The following DYNAP variants were observed in gnomAD, a reference collection of about 807,000 sequenced individuals.
DYNAP encodes the protein dynactin-associated protein.
Under a neutral mutation model 8.5 loss-of-function variants are expected in DYNAP, and 7 were observed. The observed-to-expected ratio is 0.82, with a 90% CI of 0.47 to 1.54. DYNAP has a LOEUF of 1.54. DYNAP is among the 40% of genes most tolerant of loss of function. The pLI is 0.01. For missense variants in DYNAP, 256 were observed against 224.3 expected, an observed-to-expected ratio of 1.14 and a Z score of -0.90; for synonymous variants, 77 against 77.9, an observed-to-expected ratio of 0.99 and a Z score of 0.06.
intron 1 of DYNAP, among the ~76,000 whole-genome samples, chr18:54,592,867 CTAACAGGG>C (rs1911135741): frequency 6.6e-6 from 1 of 152,070 alleles, no homozygotes; most frequent in Non-Finnish European, 1.5e-5. Context: ...GGCTGGGATT[CTAACAGGG>C]CCAGAAAATT....
At chr18:54,592,238 C>G (rs908783090) in intron 1 of DYNAP, among the ~76,000 whole-genome samples, 2 of 151,918 alleles carry the variant, frequency 1.3e-5, no homozygotes, top group African/African-American at 4.8e-5. Context: ...TCAGGCAGCA[C>G]TGTAATTGGA....
At chr18:54,585,066 G>T (rs371631268), upstream of DYNAP, among the ~76,000 whole-genome samples, 6 of 152,092 alleles carry the variant, frequency 3.9e-5, no homozygotes, top group Admixed American at 2.0e-4. Flanking sequence ...ATCAAAGAGG[G>T]GCAAACATGA....
At chr18:54,578,669 G>A in the DYNAP span, among the ~76,000 whole-genome samples, 11 of 152,096 alleles carry the variant, frequency 7.2e-5, no homozygotes, top group African/African-American at 2.7e-4. Context: ...TGAATCTTTC[G>A]CCTGGTTTTA....
At chr18:54,594,024 C>T (rs1468015386) in intron 1 of DYNAP, among the ~76,000 whole-genome samples, 1 of 152,100 alleles carries the variant, frequency 6.6e-6, no homozygotes, top group Non-Finnish European at 1.5e-5. Flanking sequence ...TTTATCTTAT[C>T]CTTCCCCTCT....
intron 1 of DYNAP, among the ~76,000 whole-genome samples, chr18:54,592,902 CTGAG>C (rs1290634961): frequency 2.6e-5 from 4 of 152,152 alleles, no homozygotes; most frequent in African/African-American, 9.6e-5. Context: ...AACTGCCCCA[CTGAG>C]TGAGTTTCAC....
intron 1 of DYNAP, among the ~76,000 whole-genome samples, chr18:54,592,064 G>A (rs1448212204): frequency 1.3e-5 from 2 of 152,148 alleles, no homozygotes; most frequent in African/African-American, 4.8e-5. Context: ...GTCATATGGA[G>A]CTGTGGTAAT....
At chr18:54,583,286 G>C (rs1046822427), upstream of DYNAP, among the ~76,000 whole-genome samples, 1 of 152,138 alleles carries the variant, frequency 6.6e-6, no homozygotes, top group East Asian at 1.9e-4. Context: ...GAGACTGAAG[G>C]GTAGAGTGCA....
At chr18:54,588,107 G>A (rs1448617253), upstream of DYNAP, among the ~76,000 whole-genome samples, 1 of 152,124 alleles carries the variant, frequency 6.6e-6, no homozygotes, top group African/African-American at 2.4e-5. Flanking sequence ...AGAATAGACT[G>A]TAAGCAGAGG....
chr18:54,588,521 T>G (rs1296126910), upstream of DYNAP, among the ~76,000 whole-genome samples: 2 of 152,108 alleles, frequency 1.3e-5, no homozygotes, highest in African/African-American at 4.8e-5. Context: ...TGGGAATAAA[T>G]TAATGGAAGA....
upstream of DYNAP, among the ~76,000 whole-genome samples, chr18:54,583,426 T>C (rs1910782241): frequency 6.6e-6 from 1 of 152,240 alleles, no homozygotes; most frequent in Non-Finnish European, 1.5e-5. Context: ...TACATCTCAT[T>C]GGCAGAGCCT....
upstream of DYNAP, among the ~76,000 whole-genome samples, chr18:54,584,395 A>G (rs1426303825): frequency 6.6e-6 from 1 of 151,488 alleles, no homozygotes; most frequent in Non-Finnish European, 1.5e-5. Flanking sequence ...AGGGAACCCA[A>G]CTCAACTTCC....
upstream of DYNAP, among the ~76,000 whole-genome samples, chr18:54,584,763 G>GAT (rs1414465160): frequency 6.6e-6 from 1 of 152,124 alleles, no homozygotes; most frequent in African/African-American, 2.4e-5. Flanking sequence ...ACTTAAACTG[G>GAT]GCAATAGGAA....
chr18:54,591,764 T>C (rs538305427), intron 1 of DYNAP, among the ~76,000 whole-genome samples: 7 of 152,260 alleles, frequency 4.6e-5, no homozygotes, highest in African/African-American at 1.4e-4. Flanking sequence ...TAATTCTAGA[T>C]ATTAATATTC....
chr18:54,586,010 T>G (rs1362559909), upstream of DYNAP, among the ~76,000 whole-genome samples: 1 of 152,172 alleles, frequency 6.6e-6, no homozygotes, highest in East Asian at 1.9e-4. Flanking sequence ...CGTTCCTAGG[T>G]TGAGTTGACC....
upstream of DYNAP, chr18:54,587,805 T>C: frequency 2.5e-6 from 1 of 400,522 alleles, no homozygotes; most frequent in Non-Finnish European, 4.4e-6. Context: ...AAATTTTGGA[T>C]CTATAGGAGA....
Position 54,595,046 on chromosome 18 carries a change from G to C in DYNAP, c.165G>C (p.Val55=). The change falls in exon 2 of 3, where the codon GTG becomes GTC. Residue 55 remains valine, a synonymous_variant. Coordinates refer to ENST00000648945, the MANE Select transcript of DYNAP (RefSeq NM_173629.3). The part of the protein sequence containing the change: ...DVSPNLTGVC[V]NPGILAHSRC... Reference sequence around the variant, plus strand: ...CTCCCAACTTAACTGGGGTCTGCGTGAACCCAGGAATCCTTGCACATTCAA... The same window carrying C: ...CTCCCAACTTAACTGGGGTCTGCGTCAACCCAGGAATCCTTGCACATTCAA... 6.2e-7 allele frequency: 1 copy of C among 1,612,782 alleles called. No individual in the cohort carries two copies. The highest frequency in any genetic ancestry group is 1.1e-5 in the South Asian group (1 of 90,996).
At chr18:54,591,211 G>A (rs777418626), upstream of DYNAP, 4 of 1,610,598 alleles carry the variant, frequency 2.5e-6, no homozygotes, top group Non-Finnish European at 3.4e-6. Flanking sequence ...TTTCATGGTT[G>A]CAGATATAAA....
chr18:54,579,611 G>T, the DYNAP span, among the ~76,000 whole-genome samples: 1 of 152,190 alleles, frequency 6.6e-6, no homozygotes, highest in African/African-American at 2.4e-5. Flanking sequence ...TCATCCAAGA[G>T]ATATACCAAA....
Position 54,598,351 on chromosome 18 carries a change from G to A in DYNAP, c.*206G>A. The A allele has an allele frequency of 5.4e-6, 3 of 553,464 alleles. No individual in the cohort carries two copies. Among genetic ancestry groups the A allele is most frequent in the Non-Finnish European group, 9.4e-6 (3 of 318,182 alleles). The allele number at this position is 553,464 out of a possible 1,614,324, so 34.3% of individuals were successfully genotyped here. A position where few individuals can be genotyped will look rare whatever the true frequency, so the allele number is the denominator to read the frequency against. On this transcript the variant is annotated 3_prime_UTR_variant, in exon 3 of 3. Coordinates refer to ENST00000648945, the MANE Select transcript of DYNAP (RefSeq NM_173629.3). ...TGACAACTCAAATAATCACCACTTC[G>A]ACCATCTCTTTGACTGAATCAACAA...
Sources: gnomAD v4.1 joint callset for allele counts (sites outside exome capture counted in the v4.1 genomes callset) on GRCh38, gnomAD v4.1.1 for gene constraint, MANE v1.5 for transcripts, NCBI Gene and HGNC (gene_info 2026-07-23, HGNC 2026-07-21) for gene names.